The following NAXD variants were observed in gnomAD, a reference collection of about 807,000 sequenced individuals.
NAXD encodes the protein NAD(P)HX dehydratase.
A neutral mutation model predicts 35.8 loss-of-function variants in NAXD; 22 were observed. The ratio of observed to expected loss-of-function variants is 0.62; its 90% CI spans 0.44 to 0.88. The LOEUF is 0.88. Among genes scored for constraint, NAXD ranks in the 40% least tolerant of loss-of-function variants. NAXD has a pLI of 0.00. For missense variants in NAXD, 428 were observed against 437.7 expected, an observed-to-expected ratio of 0.98 and a Z score of 0.20; for synonymous variants, 189 against 177.6, an observed-to-expected ratio of 1.06 and a Z score of -0.51.
Position 110,628,228 on chromosome 13 carries a change from C to A in NAXD, c.441+681C>A, listed in dbSNP as rs945396836. Among the ~76,000 whole-genome samples, 26 of 152,152 alleles carry A rather than the reference C, an allele frequency of 1.7e-4. No homozygotes were observed. The highest frequency in any genetic ancestry group is 6.3e-4 in the African/African-American group (26 of 41,422). ...TGACGCTCCCTGGGCTGGTGTGTCT[C>A]TGCTGGGGGTTGTGCTCCTGTGGGG... On this transcript the variant is annotated intron_variant, in intron 5 of 9. Coordinates refer to ENST00000680254, the MANE Select transcript of NAXD (RefSeq NM_001242882.2). The surrounding 1 kb of genome is among the most constrained non-coding windows in gnomAD (Gnocchi z 4.1).
Position 110,638,493 on chromosome 13 carries a change from G to C in NAXD, c.955G>C (p.Val319Leu). Residue 319 changes from valine (V) to leucine (L), a missense_variant, in exon 10 of 10, where the codon GTG (valine) becomes CTG (leucine). Val to Leu is a conservative substitution (Grantham distance 32). This residue lies in a region of NAXD where 209 missense variants were observed against 214.6 expected (regional missense o/e 0.97). Coordinates refer to ENST00000680254, the MANE Select transcript of NAXD (RefSeq NM_001242882.2). This position sits in a 1 kb window ranked among gnomAD's most constrained non-coding sequence, Gnocchi z 5.4. ...STTTSDMIAE[V>L]GAAFSKLFET The stretch of plus-strand genomic sequence containing the variant: ...CACCACCTCCGACATGATCGCCGAG[G>C]TGGGGGCCGCCTTCAGCAAGCTCTT... The C allele has an allele frequency of 6.2e-7, 1 of 1,613,024 alleles. No homozygotes were observed. Among genetic ancestry groups the C allele is most frequent in the Non-Finnish European group, 8.5e-7 (1 of 1,179,860 alleles).
intron 2 of NAXD, among the ~76,000 whole-genome samples, 190 bp from the exon 3 acceptor site, chr13:110,624,044 C>T (rs1295718219): frequency 6.6e-6 from 1 of 150,624 alleles, no homozygotes; most frequent in African/African-American, 2.4e-5. Context: ...GAACCTGGTT[C>T]ATGTTCATTG....
At chr13:110,615,533 G>C, upstream of NAXD, 1 of 1,321,894 alleles carries the variant, frequency 7.6e-7, no homozygotes. Flanking sequence ...CGGGAAACCG[G>C]AAAACGCTTC....
rs1459427017 is a variant in NAXD, at chr13:110,638,181, G to T, written c.840-197G>T. The T allele has an allele frequency of 6.8e-7, 1 of 1,474,260 alleles. No homozygotes were observed. Among genetic ancestry groups the T allele is most frequent in the Non-Finnish European group, 9.1e-7 (1 of 1,093,364 alleles). The allele number at this position is 1,474,260 out of a possible 1,614,324, so 91.3% of individuals were successfully genotyped here. On this transcript the variant is annotated intron_variant, in intron 9 of 9. Coordinates refer to ENST00000680254, the MANE Select transcript of NAXD (RefSeq NM_001242882.2). This position sits in a 1 kb window ranked among gnomAD's most constrained non-coding sequence, Gnocchi z 5.4. The stretch of plus-strand genomic sequence containing the variant: ...CATAGACGTTTCCTGTGTGCCTCCT[G>T]CCAGGGAGTAGTGGAGGGTTAATGG...
intron 2 of NAXD, among the ~76,000 whole-genome samples, chr13:110,623,327 C>T (rs1266847677): frequency 2.0e-5 from 3 of 152,288 alleles, no homozygotes; most frequent in East Asian, 3.9e-4. Flanking sequence ...TTTCACTGCT[C>T]GGAATGGACA....
At chr13:110,615,864 C>T (rs1440659264) in intron 1 of NAXD, 5 of 1,146,662 alleles carry the variant, frequency 4.4e-6, no homozygotes, top group Admixed American at 4.3e-5. Flanking sequence ...GCCGTGTGGC[C>T]TGCGGGGCGG....
At chr13:110,630,938 A>C (rs1235372080) in intron 5 of NAXD, among the ~76,000 whole-genome samples, 1 of 152,174 alleles carries the variant, frequency 6.6e-6, no homozygotes, top group Non-Finnish European at 1.5e-5. Flanking sequence ...CGAAAGCCCG[A>C]GTCCTCCAAA....
At position 110,623,071 on chromosome 13, in the gene NAXD, T is replaced by C. The variant is rs1280913233; in HGVS notation, c.197+705T>C. Among the ~76,000 whole-genome samples, 4 of 152,176 alleles carry C rather than the reference T, an allele frequency of 2.6e-5. No homozygotes were observed. In the East Asian group the frequency reaches 5.8e-4, roughly 22 times the overall value. On this transcript the variant is annotated intron_variant, in intron 2 of 9. Coordinates refer to ENST00000680254, the MANE Select transcript of NAXD (RefSeq NM_001242882.2). Reference sequence around the variant, plus strand: ...GTGTGTTGCCTCCCAAGAGCACCTGTTCCCTGCAGCCCTTGGAGGACAACC... The same window carrying C: ...GTGTGTTGCCTCCCAAGAGCACCTGCTCCCTGCAGCCCTTGGAGGACAACC...
chr13:110,635,373 A>T, intron 7 of NAXD, 95 bp from the exon 8 acceptor site: 1 of 1,446,120 alleles, frequency 6.9e-7, no homozygotes, highest in East Asian at 2.3e-5. Context: ...TTTAGACACG[A>T]GAGCATGAGT....
At chr13:110,617,042 C>T (rs938527037) in intron 1 of NAXD, among the ~76,000 whole-genome samples, 2 of 152,150 alleles carry the variant, frequency 1.3e-5, no homozygotes, top group African/African-American at 4.8e-5. Context: ...AATTCACACA[C>T]CGTGATTAGT....
In NAXD at chr13:110,630,307, C is replaced by T. The variant is rs548007641; in HGVS notation, c.441+2760C>T. 2.0e-3 allele frequency among the ~76,000 whole-genome samples: 303 copies of T among 152,258 alleles called. 1 individual carries two copies. Among genetic ancestry groups the T allele is most frequent in the African/African-American group, 6.8e-3 (284 of 41,562 alleles). On this transcript the variant is annotated intron_variant, in intron 5 of 9. Transcript: ENST00000680254. ...CCTCCCAAAGTGCTGGGGTTACAGGCGTGAGCTACCATGCCTGGCCTCTTT... is the reference window on the plus strand; with the variant it reads ...CCTCCCAAAGTGCTGGGGTTACAGGTGTGAGCTACCATGCCTGGCCTCTTT...
intron 5 of NAXD, among the ~76,000 whole-genome samples, chr13:110,633,971 T>C (rs2986321): frequency 0.36 from 54,628 of 152,108 alleles, 10,714 homozygotes; most frequent in African/African-American, 0.51. Flanking sequence ...TGGATGCCCT[T>C]GCTGGGGCGG....
chr13:110,632,594 C>T (rs55794132), intron 5 of NAXD, among the ~76,000 whole-genome samples: 1 of 151,748 alleles, frequency 6.6e-6, no homozygotes, highest in South Asian at 2.1e-4. Flanking sequence ...TACAGAGTTT[C>T]GACACACAGG....
chr13:110,620,019 G>C (rs567479617), intron 1 of NAXD, among the ~76,000 whole-genome samples: 3 of 151,880 alleles, frequency 2.0e-5, no homozygotes, highest in Non-Finnish European at 4.4e-5. Flanking sequence ...GGCTGGTCTC[G>C]AACTCCTGAC....
chr13:110,622,360 G>A lies in NAXD; in HGVS notation c.191G>A (p.Cys64Tyr). Residue 64 changes from cysteine to tyrosine, a missense_variant, in exon 2 of 10, where the codon TGT becomes TAT. Coordinates refer to ENST00000680254, the MANE Select transcript of NAXD (RefSeq NM_001242882.2). Reference sequence around the variant, plus strand: ...GGAAGAATAGGCGTAGTTGGAGGCTGTCAGGAGTAAGTAGCTGATGTGCAG... The same window carrying A: ...GGAAGAATAGGCGTAGTTGGAGGCTATCAGGAGTAAGTAGCTGATGTGCAG... ...QDGRIGVVGG[C>Y]QEYTGAPYFA... 1 of 1,614,120 alleles carries A rather than the reference G, an allele frequency of 6.2e-7. No individual in the cohort carries two copies. The highest frequency in any genetic ancestry group is 1.6e-4 in the Middle Eastern group (1 of 6,062).
In NAXD at chr13:110,639,904, T is replaced by C. The variant is rs1887115933; in HGVS notation, c.*1376T>C. ...AAGCTTCACTGTCTACATGTGAACT[T>C]TTCCAGAAAAACTGTGCCATGGACA... On this transcript the variant is annotated 3_prime_UTR_variant, in exon 10 of 10. Coordinates refer to ENST00000680254, the MANE Select transcript of NAXD (RefSeq NM_001242882.2). 6.6e-6 allele frequency: 1 copy of C among 152,224 alleles called. No homozygotes were observed. The highest frequency in any genetic ancestry group is 1.5e-5 in the Non-Finnish European group (1 of 68,040). 9.4% of individuals were successfully genotyped at this position (152,224 alleles called of 1,614,324 possible).
At chr13:110,636,695 G>A (rs1886939593) in intron 8 of NAXD, among the ~76,000 whole-genome samples, 1 of 152,206 alleles carries the variant, frequency 6.6e-6, no homozygotes, top group African/African-American at 2.4e-5. Context: ...TGGAGGCCTC[G>A]CTCGGTGTTG....
At chr13:110,633,436 G>C (rs927153990) in intron 5 of NAXD, among the ~76,000 whole-genome samples, 1 of 152,234 alleles carries the variant, frequency 6.6e-6, no homozygotes, top group Non-Finnish European at 1.5e-5. Flanking sequence ...TGCAAGCTGA[G>C]GGAGTGGGCT....
intron 8 of NAXD, 119 bp downstream of exon 8, chr13:110,635,707 G>C: frequency 1.7e-6 from 2 of 1,183,560 alleles, no homozygotes. Flanking sequence ...CATTCACACA[G>C]GGATTCCTGA....
Sources: allele counts gnomAD v4.1 joint callset (sites outside exome capture counted in the v4.1 genomes callset), GRCh38; gene constraint gnomAD v4.1.1; regional missense constraint gnomAD v4.1.1; non-coding constraint Gnocchi (gnomAD v3.1); transcripts MANE v1.5; gene names NCBI Gene and HGNC (gene_info 2026-07-23, HGNC 2026-07-21).